The following EXD3 variants were observed in gnomAD, a reference collection of about 807,000 sequenced individuals.
The protein encoded by EXD3 is exonuclease mut-7 homolog.
In EXD3, 92 loss-of-function variants were observed where a neutral mutation model predicts 98.0. That is an observed-to-expected ratio of 0.94 (90% confidence interval 0.79 to 1.12). The LOEUF is 1.12. Among genes scored for constraint, EXD3 ranks in the 50% most tolerant of loss-of-function variants. EXD3 has a pLI of 0.00. For synonymous variants in EXD3, 569 were observed against 526.0 expected (o/e 1.08, Z -1.12); for missense variants, 1,222 against 1,191.6 (o/e 1.03, Z -0.38).
chr9:137,392,908 G>C, intron 2 of EXD3: 4 of 485,006 alleles, frequency 8.2e-6, no homozygotes, highest in South Asian at 5.6e-5. Context: ...CACCATGTCT[G>C]TTCTGGCGGG....
intron 17 of EXD3, among the ~76,000 whole-genome samples, chr9:137,328,885 C>G (rs1418433524): frequency 2.7e-5 from 2 of 73,782 alleles, no homozygotes; most frequent in African/African-American, 1.4e-4. Flanking sequence ...CACGGGACTA[C>G]ACGGGGCTAC....
intron 1 of EXD3, among the ~76,000 whole-genome samples, chr9:137,404,659 G>A (rs527468068): frequency 9.9e-5 from 15 of 152,276 alleles, no homozygotes; most frequent in Middle Eastern, 3.4e-3. Flanking sequence ...TCGGGAGTTC[G>A]AGACCAGCCT....
At chr9:137,420,909 G>T (rs933000861) in intron 1 of EXD3, among the ~76,000 whole-genome samples, 3 of 152,138 alleles carry the variant, frequency 2.0e-5, no homozygotes, top group African/African-American at 7.2e-5. Flanking sequence ...CAATCTCCTG[G>T]ACTCAAGCGA....
intron 16 of EXD3, 146 bp downstream of exon 16, chr9:137,348,964 A>T (rs1319629514): frequency 2.1e-6 from 2 of 962,092 alleles, no homozygotes; most frequent in Admixed American, 6.0e-5. Flanking sequence ...GTTCACCAGG[A>T]CTTTGCTCCC....
At chr9:137,368,950 T>C (rs1180910149) in intron 5 of EXD3, among the ~76,000 whole-genome samples, 2 of 24,552 alleles carry the variant, frequency 8.1e-5, no homozygotes, top group Non-Finnish European at 1.6e-4. Flanking sequence ...CTCAGGCCCG[T>C]GAGGAGGGGC....
At chr9:137,422,939 C>T (rs1228968883) in intron 1 of EXD3, among the ~76,000 whole-genome samples, 175 bp downstream of exon 1, 2 of 152,070 alleles carry the variant, frequency 1.3e-5, no homozygotes, top group African/African-American at 2.4e-5. Context: ...TGCGGGAGAA[C>T]GCACCTTCCC....
chr9:137,401,319 A>C (rs1837473807), intron 1 of EXD3, among the ~76,000 whole-genome samples: 1 of 151,714 alleles, frequency 6.6e-6, no homozygotes, highest in South Asian at 2.1e-4. Context: ...ACACCCGACT[A>C]AATATTTTTG....
Position 137,356,477 on chromosome 9 carries a change from G to T in EXD3, c.657-109C>A, listed in dbSNP as rs368656611. The T allele has an allele frequency of 3.0e-5, 23 of 758,340 alleles. No homozygotes were observed. In the African/African-American group the frequency reaches 3.3e-4, roughly 11 times the overall value. 47.0% of individuals were successfully genotyped at this position (758,340 alleles called of 1,614,324 possible). A position where few individuals can be genotyped will look rare whatever the true frequency, so the allele number is the denominator to read the frequency against. ...ATGCATAGTTTAAACCTCAAGTGAG[G>T]TTTATAAGAAAATGCAGGCGTCACC... On this transcript the variant is annotated intron_variant, in intron 7 of 21. Transcript: ENST00000340951.
chr9:137,355,527 TGGAGGAAGGAGGAA>T (rs1834641557), intron 8 of EXD3, among the ~76,000 whole-genome samples: 1 of 15,830 alleles, frequency 6.3e-5, no homozygotes, highest in African/African-American at 2.7e-4. Flanking sequence ...GGAAGGAGGA[TGGAGGAAGGAGGAA>T]GGAGGAAGGA....
chr9:137,307,012 C>A lies in EXD3; in HGVS notation c.2569G>T (p.Glu857Ter). 1 of 1,611,894 alleles carries A rather than the reference C, an allele frequency of 6.2e-7. No individual in the cohort carries two copies. Among genetic ancestry groups the A allele is most frequent in the Non-Finnish European group, 8.5e-7 (1 of 1,179,454 alleles). The change falls in exon 22 of 22, where the codon GAG (glutamate) becomes TAG (stop). Residue 857 changes from glutamate to a stop codon, truncating the protein, a stop_gained. Coordinates refer to ENST00000340951, the MANE Select transcript of EXD3 (RefSeq NM_017820.5). LOFTEE classifies it low-confidence loss of function (END_TRUNC). ...GGCTCGCAGGGGCTGGGGGCGCTCT[C>A]CAGCATGTCTCGGAAGTGGGTGGCA... ...RVATHFRDML[E>*]SAPSPCEPSP...
At chr9:137,367,791 T>A in intron 6 of EXD3, 145 bp downstream of exon 6, 1 of 719,078 alleles carries the variant, frequency 1.4e-6, no homozygotes, top group Non-Finnish European at 2.3e-6. Flanking sequence ...TTTAGGGGGC[T>A]CTGGAGGCCC....
At chr9:137,410,221 A>G (rs149036546) in intron 1 of EXD3, among the ~76,000 whole-genome samples, 1,650 of 152,072 alleles carry the variant, frequency 0.011, 21 homozygotes, top group African/African-American at 0.037. Flanking sequence ...ACAGTGGCTC[A>G]TGCCTGCAAT....
At chr9:137,417,384 G>A (rs947793048) in intron 1 of EXD3, among the ~76,000 whole-genome samples, 2 of 152,224 alleles carry the variant, frequency 1.3e-5, no homozygotes, top group African/African-American at 2.4e-5. Flanking sequence ...ACGGGTCCAC[G>A]GGTGAGGCCG....
Position 137,393,160 on chromosome 9 carries a change from G to T in EXD3, c.55+2143C>A, listed in dbSNP as rs181949449. 2.7e-4 allele frequency: 191 copies of T among 702,314 alleles called. No individual in the cohort carries two copies. The highest frequency in any genetic ancestry group is 2.2e-3 in the African/African-American group (128 of 57,262). The allele number at this position is 702,314 out of a possible 1,614,324, so 43.5% of individuals were successfully genotyped here. A position where few individuals can be genotyped will look rare whatever the true frequency, so the allele number is the denominator to read the frequency against. On this transcript the variant is annotated intron_variant, in intron 2 of 21. Transcript: ENST00000340951. The surrounding 1 kb of genome is among the most constrained non-coding windows in gnomAD (Gnocchi z 4.6). ...GCGCCGAGGCTGTTCCAGGGGCCCT[G>T]CTAGCTGGGGTGTTGCACTTTGAAA...
chr9:137,321,792 C>T (rs2119092302), intron 19 of EXD3, among the ~76,000 whole-genome samples: 1 of 152,292 alleles, frequency 6.6e-6, no homozygotes, highest in East Asian at 1.9e-4. Context: ...CTGGAAGCAG[C>T]CCGTACCCTC....
chr9:137,389,622 C>T (rs1431810460), intron 2 of EXD3, among the ~76,000 whole-genome samples: 5 of 152,092 alleles, frequency 3.3e-5, no homozygotes, highest in Admixed American at 6.6e-5. Context: ...ACAGTGAGTA[C>T]GTCGAGGTGC....
intron 20 of EXD3, 144 bp from the exon 21 acceptor site, chr9:137,307,790 C>T (rs184402641): frequency 5.7e-4 from 512 of 903,930 alleles, no homozygotes; most frequent in Non-Finnish European, 7.6e-4. Context: ...CCTTCGCAGA[C>T]GGGCAGAGGG....
chr9:137,352,597 G>C (rs768070131), intron 11 of EXD3, 23 bp downstream of exon 11: 5 of 1,507,838 alleles, frequency 3.3e-6, no homozygotes, highest in Admixed American at 4.4e-5. Flanking sequence ...ACCCCTGGCT[G>C]GGGTCACCCT....
At chr9:137,398,889 C>T (rs537626091) in intron 1 of EXD3, among the ~76,000 whole-genome samples, 3 of 144,952 alleles carry the variant, frequency 2.1e-5, no homozygotes, top group Non-Finnish European at 3.0e-5. Context: ...CACACATGCA[C>T]CCGCGTCCCC....
Sources: gnomAD v4.1 joint callset for allele counts (sites outside exome capture counted in the v4.1 genomes callset) on GRCh38, gnomAD v4.1.1 for gene constraint, Gnocchi (gnomAD v3.1) non-coding constraint, MANE v1.5 for transcripts, NCBI Gene and HGNC (gene_info 2026-07-23, HGNC 2026-07-21) for gene names.